LSAMP: variants seen among roughly 807,000 people sequenced by gnomAD.
LSAMP encodes limbic system associated membrane protein, also known as limbic system-associated membrane protein.
A neutral mutation model predicts 38.6 loss-of-function variants in LSAMP; 7 were observed. The observed-to-expected ratio is 0.18, with a 90% CI of 0.10 to 0.34. LSAMP has a LOEUF of 0.34. LSAMP is among the 10% of genes least tolerant of loss of function. The pLI is 1.00. For synonymous variants in LSAMP, 154 were observed against 166.8 expected (o/e 0.92, Z 0.59); for missense variants, 313 against 420.0 (o/e 0.75, Z 2.23).
rs184010880 is a variant in LSAMP at position 116,051,633 on chromosome 3, G to A, written c.389-31993C>T. ...CTTTCTTACCCACTAGCTTTGGGCA[G>A]ACAGAATCCAGACCCCTCTTTACAG... On this transcript the variant is annotated intron_variant, in intron 2 of 6. Coordinates refer to ENST00000490035, the MANE Select transcript of LSAMP (RefSeq NM_002338.5). Among the ~76,000 whole-genome samples the A allele has an allele frequency of 2.8e-3, 429 of 152,298 alleles. 2 individuals carry two copies. Among genetic ancestry groups the A allele is most frequent in the Non-Finnish European group, 5.0e-3 (342 of 68,032 alleles).
intron 2 of LSAMP, among the ~76,000 whole-genome samples, chr3:116,067,466 G>A (rs916772021): frequency 6.6e-6 from 1 of 152,114 alleles, no homozygotes; most frequent in Admixed American, 6.5e-5. Flanking sequence ...TACAGCAGCC[G>A]AGGTATATAA....
chr3:116,090,832 G>C (rs1177237694), intron 1 of LSAMP, among the ~76,000 whole-genome samples: 1 of 152,178 alleles, frequency 6.6e-6, no homozygotes, highest in Non-Finnish European at 1.5e-5. Flanking sequence ...GTACTTAACA[G>C]AGTAATAGAA....
intron 1 of LSAMP, among the ~76,000 whole-genome samples, chr3:116,376,503 A>G (rs1293711453): frequency 6.6e-6 from 1 of 152,054 alleles, no homozygotes; most frequent in African/African-American, 2.4e-5. Flanking sequence ...ACACTTCAAG[A>G]AAGCCACAGT....
intron 3 of LSAMP, among the ~76,000 whole-genome samples, chr3:115,877,465 T>C (rs896921900): frequency 5.9e-5 from 9 of 152,294 alleles, no homozygotes; most frequent in African/African-American, 2.2e-4. Context: ...AGTAGCTTTT[T>C]TCTTTTTCAA....
At chr3:116,020,200 G>A (rs939526319) in intron 2 of LSAMP, among the ~76,000 whole-genome samples, 10 of 152,040 alleles carry the variant, frequency 6.6e-5, no homozygotes, top group Non-Finnish European at 1.5e-4. Flanking sequence ...TGTATAACAG[G>A]CTGCATGAAG....
intron 4 of LSAMP, among the ~76,000 whole-genome samples, chr3:115,846,940 G>C (rs1258822484): frequency 6.6e-6 from 1 of 152,056 alleles, no homozygotes; most frequent in African/African-American, 2.4e-5. Context: ...TGTTACCATG[G>C]GACACAATGC....
chr3:116,118,796 A>G (rs1708810679), intron 1 of LSAMP, among the ~76,000 whole-genome samples: 1 of 152,172 alleles, frequency 6.6e-6, no homozygotes, highest in Non-Finnish European at 1.5e-5. Flanking sequence ...ACAAATCCAA[A>G]TTTAATTTTT....
intron 1 of LSAMP, among the ~76,000 whole-genome samples, chr3:116,273,238 C>A (rs1490128689): frequency 1.3e-5 from 2 of 151,998 alleles, no homozygotes; most frequent in Admixed American, 6.6e-5. Flanking sequence ...TGGATAAGAA[C>A]CCCCACGGTT....
chr3:116,075,796 C>A (rs1042108372), intron 2 of LSAMP, among the ~76,000 whole-genome samples: 1 of 152,178 alleles, frequency 6.6e-6, no homozygotes, highest in Admixed American at 6.5e-5. Flanking sequence ...TCACCTCAGC[C>A]TCCCAAAGTG....
chr3:116,040,423 C>A (rs1941143339), intron 2 of LSAMP, among the ~76,000 whole-genome samples: 1 of 147,266 alleles, frequency 6.8e-6, no homozygotes, highest in South Asian at 2.2e-4. Flanking sequence ...CTCATCTGGA[C>A]AAAAAAACTA....
intron 2 of LSAMP, among the ~76,000 whole-genome samples, chr3:116,023,189 T>TAC (rs147850651): frequency 0.2 from 30,544 of 151,722 alleles, 3,177 homozygotes; most frequent in Admixed American, 0.25. Flanking sequence ...TATATATATA[T>TAC]ACACACATAT....
intron 4 of LSAMP, among the ~76,000 whole-genome samples, chr3:115,849,066 G>C (rs928597091): frequency 2.0e-5 from 3 of 152,196 alleles, no homozygotes; most frequent in African/African-American, 7.2e-5. Flanking sequence ...TGAAAGAACA[G>C]AGTGTCCCTA....
At chr3:116,359,932 A>G (rs1444696605) in intron 1 of LSAMP, 1 of 152,314 alleles carries the variant, frequency 6.6e-6, no homozygotes, top group Non-Finnish European at 1.5e-5. Flanking sequence ...ATGTTTCGTG[A>G]TGAAGATGCC....
At chr3:116,292,477 G>A (rs981309626) in intron 1 of LSAMP, among the ~76,000 whole-genome samples, 2 of 152,218 alleles carry the variant, frequency 1.3e-5, no homozygotes, top group African/African-American at 2.4e-5. Context: ...AGAAAATCAG[G>A]TCTCTAATCT....
chr3:116,366,988 G>A (rs2048363727), intron 1 of LSAMP, among the ~76,000 whole-genome samples: 1 of 152,036 alleles, frequency 6.6e-6, no homozygotes, highest in Non-Finnish European at 1.5e-5. Context: ...AAGACAGCTG[G>A]TATATCTAAA....
chr3:116,049,206 GA>G (rs1447449252), intron 2 of LSAMP, among the ~76,000 whole-genome samples: 3 of 152,184 alleles, frequency 2.0e-5, no homozygotes, highest in Non-Finnish European at 1.5e-5. Context: ...CTGCCAAACA[GA>G]ATCAGAAAGC....
intron 3 of LSAMP, among the ~76,000 whole-genome samples, chr3:115,989,634 C>A (rs1397911405): frequency 6.6e-6 from 1 of 151,956 alleles, no homozygotes; most frequent in Non-Finnish European, 1.5e-5. Flanking sequence ...TCTGGTATAT[C>A]TTTTTGTCAT....
At chr3:116,417,239 G>A (rs1366138109) in intron 1 of LSAMP, among the ~76,000 whole-genome samples, 1 of 152,150 alleles carries the variant, frequency 6.6e-6, no homozygotes, top group Non-Finnish European at 1.5e-5. Flanking sequence ...TACTACAGTG[G>A]ATTTCAAAGC....
At chr3:115,961,008 G>C (rs1938608358) in intron 3 of LSAMP, among the ~76,000 whole-genome samples, 1 of 152,146 alleles carries the variant, frequency 6.6e-6, no homozygotes, top group African/African-American at 2.4e-5. Context: ...ACTGCTCTGT[G>C]CAAGCCACAT....
Sources: allele counts gnomAD v4.1 joint callset (sites outside exome capture counted in the v4.1 genomes callset), GRCh38; gene constraint gnomAD v4.1.1; transcripts MANE v1.5; gene names NCBI Gene and HGNC (gene_info 2026-07-23, HGNC 2026-07-21).